The following GRWD1 variants were observed in gnomAD, a reference collection of about 807,000 sequenced individuals.
GRWD1 encodes glutamate rich WD repeat containing 1, also known as glutamate-rich WD repeat-containing protein 1.
Under a neutral mutation model 45.3 loss-of-function variants are expected in GRWD1, and 29 were observed. The observed-to-expected ratio is 0.64, with a 90% confidence interval of 0.48 to 0.87. The LOEUF (loss-of-function observed/expected upper bound fraction) is 0.87, where lower values mean the gene tolerates loss of function less well. Among genes scored for constraint, GRWD1 ranks in the 40% least tolerant of loss-of-function variants. The pLI is 0.00. For missense variants in GRWD1, 592 were observed against 618.8 expected (o/e 0.96, Z 0.46); for synonymous variants, 262 against 257.6 (o/e 1.02, Z -0.16).
At position 48,450,963 on chromosome 19, in the gene GRWD1, C is replaced by A; in HGVS notation, c.826-71C>A. 6.5e-7 allele frequency: 1 copy of A among 1,533,440 alleles called. No homozygotes were observed. Among genetic ancestry groups the A allele is most frequent in the Non-Finnish European group, 8.9e-7 (1 of 1,123,944 alleles). The allele number at this position is 1,533,440 out of a possible 1,614,324, so 95.0% of individuals were successfully genotyped here. ...AGGGGAACAGTGAAAGAGAGAGTAG[C>A]CCACCGCTGGCGCTTGGGCTTCACT... On this transcript the variant is annotated intron_variant, in intron 5 of 6. Transcript: ENST00000253237. The surrounding 1 kb of genome is among the most constrained non-coding windows in gnomAD (Gnocchi z 5.1).
chr19:48,450,337 G>A lies in GRWD1; in HGVS notation c.493G>A (p.Val165Met). The A allele has an allele frequency of 6.2e-7, 1 of 1,612,244 alleles. No homozygotes were observed. Among genetic ancestry groups the A allele is most frequent in the Non-Finnish European group, 8.5e-7 (1 of 1,179,696 alleles). The change falls in exon 4 of 7, where the codon GTG becomes ATG. Residue 165 changes from valine (V) to methionine (M), a missense_variant. Val to Met is a conservative substitution (Grantham distance 21). Coordinates refer to ENST00000253237, the MANE Select transcript of GRWD1 (RefSeq NM_031485.4). This position sits in a 1 kb window ranked among gnomAD's most constrained non-coding sequence, Gnocchi z 5.1. ...GGTGTCATGGCTGGGTGAAGAGCCTGTGGCTGGGGTGTGGTCAGAGAAGGG... is the reference window on the plus strand; with the variant it reads ...GGTGTCATGGCTGGGTGAAGAGCCTATGGCTGGGGTGTGGTCAGAGAAGGG... ...VRVSWLGEEP[V>M]AGVWSEKGQV...
At position 48,446,416 on chromosome 19, in the gene GRWD1, G is replaced by A; in HGVS notation, c.219G>A (p.Arg73=). The change falls in exon 2 of 7, where the codon CGG becomes CGA. Residue 73 remains arginine (R), a synonymous_variant. Transcript: ENST00000253237. ...GAPCLSFDIV[R]DHLGDNRTEL... is the part of the protein sequence containing the mutation. ...CCTGTCTCAGCTTTGACATAGTCCG[G>A]GATCACCTGGGAGACAACCGGACAG... 6.2e-7 allele frequency: 1 copy of A among 1,614,168 alleles called. No individual in the cohort carries two copies. The highest frequency in any genetic ancestry group is 8.5e-7 in the Non-Finnish European group (1 of 1,180,032).
chr19:48,446,932 T>TTA, intron 3 of GRWD1, 89 bp downstream of exon 3: 4 of 728,700 alleles, frequency 5.5e-6, no homozygotes, highest in East Asian at 3.4e-5. Context: ...CCTCCTCATG[T>TTA]TCTTTTTTTT....
At chr19:48,446,315 C>G (rs933787037) in intron 1 of GRWD1, 70 bp from the exon 2 acceptor site, 16 of 1,559,348 alleles carry the variant, frequency 1.0e-5, no homozygotes, top group South Asian at 3.3e-5. Context: ...GGCGGTTGAT[C>G]CATGAGGGAG....
rs58562169 is a variant in GRWD1, at chr19:48,452,089, CTTTTTT to C, written c.1024-607_1024-602del. ...GGGAGAGCCATGCCCTCCTTTTTTT[CTTTTTT>C]TTTTTTTTTTTCTTTTTTTTTGCGA... is the stretch of plus-strand genomic sequence containing the variant. On this transcript the variant is annotated intron_variant, in intron 6 of 6. Coordinates refer to ENST00000253237, the MANE Select transcript of GRWD1 (RefSeq NM_031485.4). The surrounding 1 kb of genome is among the most constrained non-coding windows in gnomAD (Gnocchi z 5.1). Among the ~76,000 whole-genome samples the C allele has an allele frequency of 6.9e-6, 1 of 145,960 alleles. No homozygotes were observed. Among genetic ancestry groups the C allele is most frequent in the Non-Finnish European group, 1.5e-5 (1 of 66,482 alleles).
At position 48,452,637 on chromosome 19, in the gene GRWD1, C is replaced by T; in HGVS notation, c.1024-71C>T. 1 of 1,320,560 alleles carries T rather than the reference C, an allele frequency of 7.6e-7. No individual in the cohort carries two copies. Among genetic ancestry groups the T allele is most frequent in the Non-Finnish European group, 1.0e-6 (1 of 953,822 alleles). 81.8% of individuals were successfully genotyped at this position (1,320,560 alleles called of 1,614,324 possible). A position where few individuals can be genotyped will look rare whatever the true frequency, so the allele number is the denominator to read the frequency against. On this transcript the variant is annotated intron_variant, in intron 6 of 6. Coordinates refer to ENST00000253237, the MANE Select transcript of GRWD1 (RefSeq NM_031485.4). The surrounding 1 kb of genome is among the most constrained non-coding windows in gnomAD (Gnocchi z 5.1). ...CCCTGAGGCTGGAGAAGGGTTGGGG[C>T]TTCTGCCTGGGTCCTCCCCAGAGTC...
rs1971521996 is a variant in GRWD1 at position 48,454,970 on chromosome 19, T to C, written c.*1945T>C. The C allele has an allele frequency of 1.3e-5, 2 of 152,148 alleles. No homozygotes were observed. Among genetic ancestry groups the C allele is most frequent in the South Asian group, 2.1e-4 (1 of 4,824 alleles). 9.4% of individuals were successfully genotyped at this position (152,148 alleles called of 1,614,324 possible). ...TCTTTTCTCCTTTTCGTTTTCCCAA[T>C]TGCCCTGTCCGCCTCTATCTTCTCT... On this transcript the variant is annotated 3_prime_UTR_variant, in exon 7 of 7. Transcript: ENST00000253237.
Position 48,456,762 on chromosome 19 carries a change from T to TG in GRWD1, c.*3738dup, listed in dbSNP as rs1189291006. On this transcript the variant is annotated 3_prime_UTR_variant, in exon 7 of 7. Transcript: ENST00000253237. ...AGTGAACCCTGAAGGCAATGAGGGG[T>TG]GCGGGTCCATGCCCAGCCCTTTCCT... 1 of 152,142 alleles carries TG rather than the reference T, an allele frequency of 6.6e-6. No individual in the cohort carries two copies. Among genetic ancestry groups the TG allele is most frequent in the Admixed American group, 6.6e-5 (1 of 15,252 alleles). The allele number at this position is 152,142 out of a possible 1,614,324, so 9.4% of individuals were successfully genotyped here. A position where few individuals can be genotyped will look rare whatever the true frequency, so the allele number is the denominator to read the frequency against.
intron 3 of GRWD1, among the ~76,000 whole-genome samples, chr19:48,448,713 A>G (rs1971438528): frequency 6.6e-6 from 1 of 152,232 alleles, no homozygotes; most frequent in African/African-American, 2.4e-5. Flanking sequence ...CACAAGTTCA[A>G]AGGCCCTGGG....
rs1365824226 is a variant in GRWD1, at chr19:48,450,999, G to T, written c.826-35G>T. 1.8e-5 allele frequency: 28 copies of T among 1,594,380 alleles called. No individual in the cohort carries two copies. The highest frequency in any genetic ancestry group is 2.4e-5 in the Non-Finnish European group (28 of 1,167,094). On this transcript the variant is annotated intron_variant, in intron 5 of 6. Transcript: ENST00000253237. The surrounding 1 kb of genome is among the most constrained non-coding windows in gnomAD (Gnocchi z 5.1). ...CGCTTGGGCTTCACTGCGGGCTGGG[G>T]GGCATTGGGACCACTCAGACTCCGC...
Position 48,450,995 on chromosome 19 carries a change from T to G in GRWD1, c.826-39T>G. On this transcript the variant is annotated intron_variant, in intron 5 of 6. Coordinates refer to ENST00000253237, the MANE Select transcript of GRWD1 (RefSeq NM_031485.4). The surrounding 1 kb of genome is among the most constrained non-coding windows in gnomAD (Gnocchi z 5.1). Reference sequence around the variant, plus strand: ...CTGGCGCTTGGGCTTCACTGCGGGCTGGGGGGCATTGGGACCACTCAGACT... The same window carrying G: ...CTGGCGCTTGGGCTTCACTGCGGGCGGGGGGGCATTGGGACCACTCAGACT... The G allele has an allele frequency of 1.3e-6, 2 of 1,591,000 alleles. No homozygotes were observed. The highest frequency in any genetic ancestry group is 1.7e-6 in the Non-Finnish European group (2 of 1,164,394).
In GRWD1 at chr19:48,446,740, G is replaced by T; in HGVS notation, c.365G>T (p.Ser122Ile). 1.9e-6 allele frequency: 3 copies of T among 1,613,274 alleles called. No individual in the cohort carries two copies. The highest frequency in any genetic ancestry group is 2.5e-6 in the Non-Finnish European group (3 of 1,179,704). ...HGTKPPPSEG[S>I]DEEEEEEDEE... is the part of the protein sequence containing the mutation. ...ACAAAGCCCCCACCCTCAGAGGGCA[G>T]TGATGAAGAAGAAGAGGAGGAAGAT... is the stretch of plus-strand genomic sequence containing the variant. Residue 122 changes from serine (S) to isoleucine (I), a missense_variant, in exon 3 of 7, where the codon AGT becomes ATT. Coordinates refer to ENST00000253237, the MANE Select transcript of GRWD1 (RefSeq NM_031485.4).
In GRWD1 at chr19:48,453,997, C is replaced by T. The variant is rs553021477; in HGVS notation, c.*972C>T. The T allele has an allele frequency of 6.6e-6, 1 of 152,258 alleles. No individual in the cohort carries two copies. Among genetic ancestry groups the T allele is most frequent in the South Asian group, 2.1e-4 (1 of 4,836 alleles). 9.4% of individuals were successfully genotyped at this position (152,258 alleles called of 1,614,324 possible). On this transcript the variant is annotated 3_prime_UTR_variant, in exon 7 of 7. Coordinates refer to ENST00000253237, the MANE Select transcript of GRWD1 (RefSeq NM_031485.4). ...TGGGGAGGAATTTGGCACCAGCTGC[C>T]CCCAGGCCGCTAGGCTGGGGGAGGC...
At chr19:48,451,558 G>A (rs1011319261) in intron 6 of GRWD1, among the ~76,000 whole-genome samples, 1 of 152,182 alleles carries the variant, frequency 6.6e-6, no homozygotes, top group African/African-American at 2.4e-5. Context: ...GAGCTTCAGA[G>A]AGTTGTAGAT....
chr19:48,449,499 CA>C (rs1456274543), intron 3 of GRWD1, among the ~76,000 whole-genome samples: 3 of 152,084 alleles, frequency 2.0e-5, no homozygotes, highest in African/African-American at 7.2e-5. Flanking sequence ...TTGCAGGTGG[CA>C]ATTAGGAGCT....
At chr19:48,448,517 A>G (rs900499007) in intron 3 of GRWD1, among the ~76,000 whole-genome samples, 3 of 152,196 alleles carry the variant, frequency 2.0e-5, no homozygotes, top group African/African-American at 7.2e-5. Flanking sequence ...ACCATGTCCA[A>G]AGGTGTTAAC....
In GRWD1 at chr19:48,452,692, C is replaced by T. The variant is rs1224177422; in HGVS notation, c.1024-16C>T. On this transcript the variant is annotated splice_polypyrimidine_tract_variant and intron_variant, in intron 6 of 6. Transcript: ENST00000253237. The surrounding 1 kb of genome is among the most constrained non-coding windows in gnomAD (Gnocchi z 5.1). ...TGAGGCATTCAGAGCCCGTTCCTCC[C>T]ATCCTCTCCCTCTAGTCTGGTTCCC... 1 of 1,545,094 alleles carries T rather than the reference C, an allele frequency of 6.5e-7. No individual in the cohort carries two copies. The highest frequency in any genetic ancestry group is 8.8e-7 in the Non-Finnish European group (1 of 1,139,010).
chr19:48,449,926 T>G (rs536603367), intron 3 of GRWD1, among the ~76,000 whole-genome samples: 3 of 152,010 alleles, frequency 2.0e-5, no homozygotes, highest in African/African-American at 7.2e-5. Flanking sequence ...GGTCTCCTAG[T>G]GAACAAACAC....
At chr19:48,449,936 C>G (rs756058524) in intron 3 of GRWD1, among the ~76,000 whole-genome samples, 8 of 152,134 alleles carry the variant, frequency 5.3e-5, no homozygotes, top group Non-Finnish European at 1.2e-4. Context: ...TGAACAAACA[C>G]AGAGGCAAGG....
Sources: gnomAD v4.1 joint callset for allele counts (sites outside exome capture counted in the v4.1 genomes callset) on GRCh38, gnomAD v4.1.1 for gene constraint, Gnocchi (gnomAD v3.1) non-coding constraint, MANE v1.5 for transcripts, NCBI Gene and HGNC (gene_info 2026-07-23, HGNC 2026-07-21) for gene names.